Variants in FGFR2 observed in about 807,000 individuals in gnomAD.
FGFR2 encodes the protein fibroblast growth factor receptor 2, also known as BEK fibroblast growth factor receptor.
FGFR2 carries 19 observed loss-of-function variants against 95.9 expected under a neutral mutation model. The observed-to-expected ratio is 0.20, with a 90% CI of 0.14 to 0.29. The LOEUF (loss-of-function observed/expected upper bound fraction) is 0.29, where lower values mean the gene tolerates loss of function less well. FGFR2 is among the 10% of genes least tolerant of loss of function. The pLI, the probability that FGFR2 is intolerant of heterozygous loss-of-function variation, is 1.00. For synonymous variants in FGFR2, 392 were observed against 393.3 expected, an observed-to-expected ratio of 1.00 and a Z score of 0.04; for missense variants, 707 against 1,056.9, an observed-to-expected ratio of 0.67 and a Z score of 4.59.
At chr10:121,568,162 A>C (rs1857986621) in intron 2 of FGFR2, among the ~76,000 whole-genome samples, 2 of 152,292 alleles carry the variant, frequency 1.3e-5, no homozygotes, top group South Asian at 2.1e-4. Flanking sequence ...TCTGGTCCCA[A>C]ATCTTGGCCC....
At chr10:121,509,422 T>G (rs922823657) in intron 9 of FGFR2, among the ~76,000 whole-genome samples, 5 of 37,382 alleles carry the variant, frequency 1.3e-4, no homozygotes, top group Admixed American at 3.2e-4. Context: ...TGAGGAAGTG[T>G]TTTTTTTTTT....
intron 6 of FGFR2, among the ~76,000 whole-genome samples, chr10:121,535,211 T>C (rs960170196): frequency 6.6e-6 from 1 of 152,208 alleles, no homozygotes; most frequent in Non-Finnish European, 1.5e-5. Context: ...TTTTGAATTT[T>C]TAGGCTCCAG....
chr10:121,546,810 T>C (rs946432100), intron 5 of FGFR2, among the ~76,000 whole-genome samples: 3 of 152,160 alleles, frequency 2.0e-5, no homozygotes, highest in African/African-American at 7.2e-5. Context: ...ATGAACAGAA[T>C]TATAAAGGAA....
At chr10:121,587,080 G>A (rs1028143500) in intron 2 of FGFR2, among the ~76,000 whole-genome samples, 1 of 152,140 alleles carries the variant, frequency 6.6e-6, no homozygotes, top group Non-Finnish European at 1.5e-5. Flanking sequence ...AGAGAGCCCA[G>A]AAATAAGGCC....
intron 2 of FGFR2, among the ~76,000 whole-genome samples, chr10:121,590,120 CAGA>C (rs1190847018): frequency 6.6e-6 from 1 of 152,080 alleles, no homozygotes; most frequent in Non-Finnish European, 1.5e-5. Context: ...CATCACCTCT[CAGA>C]AGATTGACAA....
rs11365153 is a variant in FGFR2 at position 121,503,604 on chromosome 10, AT to A, written c.1439+185del. 5.4e-3 allele frequency among the ~76,000 whole-genome samples: 803 copies of A among 148,332 alleles called. 6 individuals are homozygous for A. The highest frequency in any genetic ancestry group is 0.018 in the Middle Eastern group (5 of 282). On this transcript the variant is annotated intron_variant, in intron 10 of 17. Transcript: ENST00000358487. The stretch of plus-strand genomic sequence containing the variant: ...CAAGTAGCTCTGCTTTCAAGGAGTT[AT>A]TTTTTTTTTTAAATCCATTTTTTTC...
intron 5 of FGFR2, among the ~76,000 whole-genome samples, chr10:121,541,432 C>T (rs1409850990): frequency 6.6e-6 from 1 of 152,082 alleles, no homozygotes; most frequent in Admixed American, 6.5e-5. Context: ...ATAAAGATGG[C>T]AAACAAAAGC....
At chr10:121,551,560 T>A in intron 4 of FGFR2, 101 bp from the exon 5 acceptor site, 1 of 1,069,176 alleles carries the variant, frequency 9.4e-7, no homozygotes, top group Non-Finnish European at 1.4e-6. Flanking sequence ...ATGTAAATGC[T>A]AGGCTATTTT....
chr10:121,532,584 T>C (rs1000720055), intron 6 of FGFR2, among the ~76,000 whole-genome samples: 2 of 152,108 alleles, frequency 1.3e-5, no homozygotes, highest in Non-Finnish European at 2.9e-5. Flanking sequence ...ACTCCAGCTG[T>C]GGTTTGAGGG....
chr10:121,554,551 C>G (rs1855859524), intron 4 of FGFR2, among the ~76,000 whole-genome samples: 1 of 125,186 alleles, frequency 8.0e-6, no homozygotes, highest in African/African-American at 4.7e-5. Context: ...CAGGGTTTCA[C>G]CGTTTTAGCC....
At chr10:121,530,073 A>G (rs576569582) in intron 6 of FGFR2, among the ~76,000 whole-genome samples, 1 of 152,182 alleles carries the variant, frequency 6.6e-6, no homozygotes, top group African/African-American at 2.4e-5. Flanking sequence ...AGACACCCAC[A>G]TTTGACCAGC....
chr10:121,561,105 T>C (rs1473694114), intron 4 of FGFR2, among the ~76,000 whole-genome samples: 6 of 152,190 alleles, frequency 3.9e-5, no homozygotes, highest in Non-Finnish European at 7.3e-5. Flanking sequence ...CCGAGGCACC[T>C]ACCAATATCT....
intron 5 of FGFR2, among the ~76,000 whole-genome samples, chr10:121,546,297 T>C (rs1272135639): frequency 2.6e-5 from 4 of 152,118 alleles, no homozygotes; most frequent in Non-Finnish European, 5.9e-5. Context: ...ATCAGGATTA[T>C]TCAGCCAATC....
chr10:121,571,851 G>A (rs551149009), intron 2 of FGFR2, among the ~76,000 whole-genome samples: 151 of 151,928 alleles, frequency 9.9e-4, no homozygotes, highest in African/African-American at 3.6e-3. Flanking sequence ...GCTGAGGCAG[G>A]AGAATCGCTT....
At chr10:121,576,298 A>G (rs1358736095) in intron 2 of FGFR2, among the ~76,000 whole-genome samples, 1 of 152,230 alleles carries the variant, frequency 6.6e-6, no homozygotes, top group African/African-American at 2.4e-5. Flanking sequence ...GTTACAAGCT[A>G]TGTTGAAGTC....
chr10:121,520,739 C>T (rs1850423049), intron 6 of FGFR2, among the ~76,000 whole-genome samples: 1 of 152,254 alleles, frequency 6.6e-6, no homozygotes, highest in Admixed American at 6.5e-5. Context: ...GCCTCCCAGG[C>T]TCAGGTGATT....
At chr10:121,491,063 C>G (rs903993439) in intron 13 of FGFR2, among the ~76,000 whole-genome samples, 13 of 152,350 alleles carry the variant, frequency 8.5e-5, no homozygotes, top group Admixed American at 7.8e-4. Context: ...CCGACACGCG[C>G]TCTGTGTGTC....
At chr10:121,483,609 A>G in intron 17 of FGFR2, 89 bp downstream of exon 17, 1 of 930,998 alleles carries the variant, frequency 1.1e-6, no homozygotes, top group Non-Finnish European at 1.7e-6. Context: ...GACTCCAACC[A>G]ACAGCCAACA....
chr10:121,519,843 C>T (rs1850239264), intron 7 of FGFR2, 136 bp downstream of exon 7: 5 of 788,446 alleles, frequency 6.3e-6, no homozygotes, highest in Admixed American at 2.3e-5. Context: ...CTGTTAATTC[C>T]TTAGAACACT....
Sources: allele counts gnomAD v4.1 joint callset (sites outside exome capture counted in the v4.1 genomes callset), GRCh38; gene constraint gnomAD v4.1.1; transcripts MANE v1.5; gene names NCBI Gene and HGNC (gene_info 2026-07-23, HGNC 2026-07-21).